BTBD10: variants seen among roughly 807,000 people sequenced by gnomAD.
The protein encoded by BTBD10 is BTB domain containing 10, also known as BTB/POZ domain-containing protein 10.
Under a neutral mutation model 53.2 loss-of-function variants are expected in BTBD10, and 21 were observed. That is an observed-to-expected ratio of 0.39 (90% CI 0.28 to 0.57). The LOEUF (loss-of-function observed/expected upper bound fraction) is 0.57. Among genes scored for constraint, BTBD10 ranks in the 20% least tolerant of loss-of-function variants. The pLI is 0.53. For synonymous variants in BTBD10, 149 were observed against 192.7 expected (o/e 0.77, Z 1.88); for missense variants, 360 against 594.7 (o/e 0.61, Z 4.10).
intron 2 of BTBD10, among the ~76,000 whole-genome samples, chr11:13,429,984 T>C (rs1003777564): frequency 1.3e-5 from 2 of 152,112 alleles, no homozygotes; most frequent in African/African-American, 4.8e-5. Context: ...CAGGCATCTG[T>C]GGTTCCGGCT....
intron 6 of BTBD10, among the ~76,000 whole-genome samples, chr11:13,411,186 A>G (rs1045364972): frequency 6.6e-6 from 1 of 152,200 alleles, no homozygotes; most frequent in African/African-American, 2.4e-5. Flanking sequence ...CACACTATAG[A>G]CACAAAGTCA....
chr11:13,397,219 G>T (rs972046929), intron 8 of BTBD10, among the ~76,000 whole-genome samples: 15 of 152,096 alleles, frequency 9.9e-5, no homozygotes, highest in African/African-American at 3.6e-4. Flanking sequence ...CAATTTCAGA[G>T]CCTGTTATTG....
chr11:13,410,449 T>C (rs1449684748), intron 6 of BTBD10, among the ~76,000 whole-genome samples: 1 of 152,178 alleles, frequency 6.6e-6, no homozygotes, highest in African/African-American at 2.4e-5. Flanking sequence ...TTGCCTAGGA[T>C]GATTTCGAAC....
In BTBD10 at chr11:13,388,155, C is replaced by T. The variant is rs1949298440; in HGVS notation, c.*676G>A. 6.6e-6 allele frequency: 1 copy of T among 152,522 alleles called. No individual in the cohort carries two copies. The highest frequency in any genetic ancestry group is 2.4e-5 in the African/African-American group (1 of 41,406). The allele number at this position is 152,522 out of a possible 1,614,324, so 9.4% of individuals were successfully genotyped here. ...GCATTAGTAAATAAATATCTGTGAA[C>T]AGATTAAGGGTAAGGCAGACTGGAT... On this transcript the variant is annotated 3_prime_UTR_variant, in exon 9 of 9. Coordinates refer to ENST00000278174, the MANE Select transcript of BTBD10 (RefSeq NM_032320.7).
intron 6 of BTBD10, among the ~76,000 whole-genome samples, chr11:13,406,121 C>A (rs1949820245): frequency 6.6e-6 from 1 of 152,258 alleles, no homozygotes; most frequent in African/African-American, 2.4e-5. Flanking sequence ...CTTAAAGATA[C>A]TTTTCAGGTT....
rs149509264 is a variant in BTBD10 at position 13,438,794 on chromosome 11, A to T, written c.101+6230T>A. Among the ~76,000 whole-genome samples the T allele has an allele frequency of 2.4e-3, 359 of 152,128 alleles. 5 individuals are homozygous for T. The East Asian group carries it at 0.026, about 11-fold the overall frequency. On this transcript the variant is annotated intron_variant, in intron 2 of 8. Coordinates refer to ENST00000278174, the MANE Select transcript of BTBD10 (RefSeq NM_032320.7). ...GAGTATGTACCATTTTCACAATAAG[A>T]CAGACATTATTATCTTAAAAGAATC... is the stretch of plus-strand genomic sequence containing the variant.
chr11:13,431,008 T>C (rs376392348), intron 2 of BTBD10, among the ~76,000 whole-genome samples: 1 of 59,558 alleles, frequency 1.7e-5, no homozygotes, highest in Non-Finnish European at 4.2e-5. Flanking sequence ...CACACAGATA[T>C]ATATATATAG....
intron 5 of BTBD10, among the ~76,000 whole-genome samples, chr11:13,416,545 AAG>A (rs772706094): frequency 4.5e-4 from 69 of 152,350 alleles, no homozygotes; most frequent in Non-Finnish European, 7.8e-4. Flanking sequence ...ATTTAGGAGA[AAG>A]AGAAGTAAAT....
intron 2 of BTBD10, among the ~76,000 whole-genome samples, chr11:13,432,615 C>T (rs1380752096): frequency 6.6e-6 from 1 of 151,172 alleles, no homozygotes; most frequent in Non-Finnish European, 1.5e-5. Flanking sequence ...CAAAAAAACA[C>T]ACAAAACTGT....
chr11:13,434,110 C>A (rs1452668627), intron 2 of BTBD10, among the ~76,000 whole-genome samples: 1 of 152,134 alleles, frequency 6.6e-6, no homozygotes, highest in Non-Finnish European at 1.5e-5. Flanking sequence ...CCCACAAAGA[C>A]AACTTCAGCA....
chr11:13,461,455 C>G (rs981865800), intron 1 of BTBD10, among the ~76,000 whole-genome samples: 1 of 152,078 alleles, frequency 6.6e-6, no homozygotes, highest in Non-Finnish European at 1.5e-5. Flanking sequence ...TAACTAGTAC[C>G]CGAAGGCATG....
intron 6 of BTBD10, among the ~76,000 whole-genome samples, chr11:13,407,502 G>T (rs1949857681): frequency 6.7e-6 from 1 of 149,892 alleles, no homozygotes; most frequent in Non-Finnish European, 1.5e-5. Flanking sequence ...GCACAGTGCT[G>T]GGCATATAAT....
chr11:13,393,317 C>A (rs566045214), intron 8 of BTBD10, among the ~76,000 whole-genome samples: 1 of 152,266 alleles, frequency 6.6e-6, no homozygotes, highest in East Asian at 1.9e-4. Context: ...CTCTCTGGTC[C>A]TCCTCATGTC....
At chr11:13,461,203 G>T (rs2134071930) in intron 1 of BTBD10, among the ~76,000 whole-genome samples, 1 of 152,252 alleles carries the variant, frequency 6.6e-6, no homozygotes, top group South Asian at 2.1e-4. Flanking sequence ...TTCTAAACTG[G>T]AGAGGAGAAT....
intron 1 of BTBD10, among the ~76,000 whole-genome samples, chr11:13,460,525 C>T (rs1415581097): frequency 2.0e-5 from 3 of 152,200 alleles, no homozygotes; most frequent in Non-Finnish European, 4.4e-5. Flanking sequence ...AAGGTCAATT[C>T]CACACGTCAT....
intron 1 of BTBD10, among the ~76,000 whole-genome samples, chr11:13,457,954 T>C (rs1951006282): frequency 6.6e-6 from 1 of 152,016 alleles, no homozygotes; most frequent in Admixed American, 6.6e-5. Flanking sequence ...TCCAAATAAA[T>C]CTATTTTTAT....
intron 1 of BTBD10, chr11:13,459,791 T>C (rs1285767588): frequency 1.3e-5 from 2 of 152,156 alleles, no homozygotes; most frequent in Admixed American, 6.5e-5. Flanking sequence ...GTCCCAAAAA[T>C]TGAATCATAA....
chr11:13,426,074 T>C (rs1950332174), intron 2 of BTBD10, among the ~76,000 whole-genome samples: 1 of 151,988 alleles, frequency 6.6e-6, no homozygotes, highest in African/African-American at 2.4e-5. Flanking sequence ...ATGGAGTCCA[T>C]GAAGGAAGTG....
chr11:13,440,336 T>TA, intron 2 of BTBD10: 4 of 1,076,400 alleles, frequency 3.7e-6, no homozygotes, highest in Non-Finnish European at 4.5e-6. Context: ...TTGTAATTGA[T>TA]AGACAGGCAT....
Sources: gnomAD v4.1 joint callset for allele counts (sites outside exome capture counted in the v4.1 genomes callset) on GRCh38, gnomAD v4.1.1 for gene constraint, MANE v1.5 for transcripts, NCBI Gene and HGNC (gene_info 2026-07-23, HGNC 2026-07-21) for gene names.